Variants in SLC1A6 observed in about 807,000 individuals in gnomAD.
SLC1A6 encodes solute carrier family 1 member 6.
SLC1A6 carries 15 observed loss-of-function variants against 42.1 expected under a neutral mutation model. That is an observed-to-expected ratio of 0.36 (90% confidence interval 0.24 to 0.55). The LOEUF (loss-of-function observed/expected upper bound fraction) is 0.55, where lower values mean the gene tolerates loss of function less well. Ranked by LOEUF, SLC1A6 falls within the 20% of genes least tolerant of loss-of-function variation. The pLI is 0.88. For missense variants in SLC1A6, 542 were observed against 772.5 expected, an observed-to-expected ratio of 0.70 and a Z score of 3.54; for synonymous variants, 317 against 319.7, an observed-to-expected ratio of 0.99 and a Z score of 0.09.
intron 3 of SLC1A6, among the ~76,000 whole-genome samples, chr19:14,971,239 G>T (rs763814482): frequency 1.3e-5 from 2 of 152,142 alleles, no homozygotes; most frequent in Non-Finnish European, 2.9e-5. Flanking sequence ...GAGACCATAT[G>T]GCCCTTGAAG....
chr19:15,001,011 G>T (rs903105506), intron 1 of SLC1A6, among the ~76,000 whole-genome samples: 1 of 152,222 alleles, frequency 6.6e-6, no homozygotes, highest in East Asian at 1.9e-4. Flanking sequence ...ATGTTTGAAG[G>T]TTGAACAGCT....
Position 14,954,347 on chromosome 19 carries a change from G to A in SLC1A6, c.1170-18C>T. 1 of 1,602,228 alleles carries A rather than the reference G, an allele frequency of 6.2e-7. No individual in the cohort carries two copies. The highest frequency in any genetic ancestry group is 1.1e-5 in the South Asian group (1 of 91,010). On this transcript the variant is annotated intron_variant, in intron 7 of 9. Coordinates refer to ENST00000594383, the MANE Select transcript of SLC1A6 (RefSeq NM_005071.3). The stretch of plus-strand genomic sequence containing the variant: ...TTGCCGAGCTGGGGGAAAGAGCCCA[G>A]GACTGAGGATGGGGCGTGGCCTGGT...
chr19:14,955,436 C>CAACA (rs528831104), intron 7 of SLC1A6, among the ~76,000 whole-genome samples: 1 of 150,832 alleles, frequency 6.6e-6, no homozygotes, highest in Non-Finnish European at 1.5e-5. Context: ...ACAACAACAA[C>CAACA]AAAAAAAACT....
intron 1 of SLC1A6, among the ~76,000 whole-genome samples, chr19:15,000,382 T>G (rs1208435958): frequency 6.6e-6 from 1 of 152,174 alleles, no homozygotes; most frequent in African/African-American, 2.4e-5. Flanking sequence ...TTGCCCCCAA[T>G]CCTAGCCTCT....
At chr19:14,951,576 G>T (rs2145160724) in intron 9 of SLC1A6, among the ~76,000 whole-genome samples, 1 of 151,954 alleles carries the variant, frequency 6.6e-6, no homozygotes, top group South Asian at 2.1e-4. Flanking sequence ...GAGTGCAGTG[G>T]TGCGATCTCG....
At chr19:15,006,880 G>A (rs1360992120) in intron 1 of SLC1A6, among the ~76,000 whole-genome samples, 1 of 152,212 alleles carries the variant, frequency 6.6e-6, no homozygotes, top group Non-Finnish European at 1.5e-5. Flanking sequence ...TTGAGTCCAG[G>A]AGGTTGAGGC....
At chr19:15,001,279 G>C (rs12975357) in intron 1 of SLC1A6, among the ~76,000 whole-genome samples, 111 of 152,244 alleles carry the variant, frequency 7.3e-4, no homozygotes, top group South Asian at 1.9e-3. Context: ...CAAGAGCTAC[G>C]AGGGGAGGAG....
At chr19:14,950,985 C>T (rs931135090) in intron 9 of SLC1A6, among the ~76,000 whole-genome samples, 2 of 147,532 alleles carry the variant, frequency 1.4e-5, no homozygotes, top group African/African-American at 5.0e-5. Context: ...GTGGCTCATG[C>T]TTATAATCCC....
At position 15,010,183 on chromosome 19, in the gene SLC1A6, GAA is replaced by G. The variant is rs34036436; in HGVS notation, c.6+300_6+301del. On this transcript the variant is annotated intron_variant, in intron 1 of 8. Coordinates refer to the SLC1A6 transcript ENST00000430939. ...CCCAGACGACAGTGCAAGACTCTATGAAAAAAAAAAAAAAGAAAGAAAGAAAA... is the reference window on the plus strand; with the variant it reads ...CCCAGACGACAGTGCAAGACTCTATGAAAAAAAAAAAAGAAAGAAAGAAAA... 2.6e-3 allele frequency among the ~76,000 whole-genome samples: 192 copies of G among 73,896 alleles called. 3 individuals are homozygous for G. Among genetic ancestry groups the G allele is most frequent in the African/African-American group, 0.012 (169 of 14,670 alleles). 48.5% of individuals were successfully genotyped at this position (73,896 alleles called of 152,430 possible).
intron 1 of SLC1A6, chr19:14,974,042 T>C (rs2045675390): frequency 6.6e-6 from 1 of 152,276 alleles, no homozygotes; most frequent in Admixed American, 6.5e-5. Context: ...CATATCCATG[T>C]GTCCTTATTC....
At position 14,950,264 on chromosome 19, in the gene SLC1A6, G is replaced by C; in HGVS notation, c.1626C>G (p.Pro542=). 6.2e-7 allele frequency: 1 copy of C among 1,611,622 alleles called. No homozygotes were observed. Among genetic ancestry groups the C allele is most frequent in the Non-Finnish European group, 8.5e-7 (1 of 1,178,526 alleles). ...AELTLPSLGK[P]YKSLMAQEKG... is the part of the protein sequence containing the mutation. ...TCTCCTGTGCCATGAGGGACTTGTA[G>C]GGTTTCCCCAGGCTGGGGAGGGTAA... Residue 542 remains proline, a synonymous_variant, in exon 10 of 10, where the codon CCC becomes CCG. Transcript: ENST00000594383.
chr19:14,986,014 T>C (rs2045790778), intron 1 of SLC1A6, among the ~76,000 whole-genome samples: 1 of 151,400 alleles, frequency 6.6e-6, no homozygotes, highest in Non-Finnish European at 1.5e-5. Flanking sequence ...CATGTCAGAA[T>C]AGCTGAGGTT....
chr19:14,961,946 C>G (rs2045516107), intron 6 of SLC1A6, 56 bp downstream of exon 6: 1 of 1,546,710 alleles, frequency 6.5e-7, no homozygotes. Context: ...AGCTTCCCCA[C>G]AGCCTGACTT....
chr19:15,005,136 C>T lies in SLC1A6; in HGVS notation c.6+5349G>A, dbSNP rs149850653. On this transcript the variant is annotated intron_variant, in intron 1 of 8. Transcript: ENST00000430939. ...TTAGCCAGGCATGGTAGCACATGCCCATAGGGCCAGCTACCCAGGAGGCTG... is the reference window on the plus strand; with the variant it reads ...TTAGCCAGGCATGGTAGCACATGCCTATAGGGCCAGCTACCCAGGAGGCTG... 4.3e-3 allele frequency among the ~76,000 whole-genome samples: 660 copies of T among 151,816 alleles called. 7 individuals are homozygous for T. The highest frequency in any genetic ancestry group is 0.015 in the African/African-American group (623 of 41,378).
intron 1 of SLC1A6, among the ~76,000 whole-genome samples, chr19:14,986,101 ATTTT>A (rs34189680): frequency 6.9e-6 from 1 of 145,856 alleles, no homozygotes; most frequent in Admixed American, 6.8e-5. Flanking sequence ...ACAAGCAGTA[ATTTT>A]TTTTTTTTTT....
rs549499225 is a variant in SLC1A6, at chr19:14,959,092, C to T, written c.936-2383G>A. 1.3e-4 allele frequency among the ~76,000 whole-genome samples: 20 copies of T among 152,326 alleles called. No homozygotes were observed. In the South Asian group the frequency reaches 1.9e-3, roughly 14 times the overall value. ...CCCTATCCTATGTAGGTGTTAGACACGCTCACAGGCACATAGTACATTCTA... is the reference window on the plus strand; with the variant it reads ...CCCTATCCTATGTAGGTGTTAGACATGCTCACAGGCACATAGTACATTCTA... On this transcript the variant is annotated intron_variant, in intron 6 of 9. Transcript: ENST00000594383.
intron 1 of SLC1A6, among the ~76,000 whole-genome samples, chr19:14,994,413 T>C (rs910205565): frequency 6.6e-6 from 1 of 152,070 alleles, no homozygotes; most frequent in African/African-American, 2.4e-5. Flanking sequence ...CCAGGAGTGG[T>C]AATAACCCCC....
intron 1 of SLC1A6, among the ~76,000 whole-genome samples, chr19:15,007,236 A>C (rs906596322): frequency 6.6e-6 from 1 of 152,232 alleles, no homozygotes; most frequent in Non-Finnish European, 1.5e-5. Flanking sequence ...TCCGTGCTAC[A>C]ACATGGACAA....
chr19:14,993,473 C>T (rs1351774700), intron 1 of SLC1A6, among the ~76,000 whole-genome samples: 1 of 152,120 alleles, frequency 6.6e-6, no homozygotes, highest in Admixed American at 6.5e-5. Context: ...AATCAATCTC[C>T]TTCTCATTCC....
Sources: gnomAD v4.1 joint callset for allele counts (sites outside exome capture counted in the v4.1 genomes callset) on GRCh38, gnomAD v4.1.1 for gene constraint, MANE v1.5 for transcripts, NCBI Gene and HGNC (gene_info 2026-07-23, HGNC 2026-07-21) for gene names.